The following LRP1B variants were observed in gnomAD, a reference collection of about 807,000 sequenced individuals.
The protein encoded by LRP1B is low-density lipoprotein receptor-related protein 1B.
A neutral mutation model predicts 556.6 loss-of-function variants in LRP1B; 217 were observed. That is an observed-to-expected ratio of 0.39 (90% CI 0.35 to 0.44). LRP1B has a LOEUF of 0.44. Among genes scored for constraint, LRP1B ranks in the 20% least tolerant of loss-of-function variants. The pLI, the probability that LRP1B is intolerant of heterozygous loss-of-function variation, is 1.00. For synonymous variants in LRP1B, 2,047 were observed against 1,865.8 expected (o/e 1.10, Z -2.50); for missense variants, 5,053 against 5,620.8 (o/e 0.90, Z 3.23).
rs80318645 is a variant in LRP1B at position 140,926,546 on chromosome 2, T to A, written c.3137-3399A>T. On this transcript the variant is annotated intron_variant, in intron 20 of 90. Coordinates refer to ENST00000389484, the MANE Select transcript of LRP1B (RefSeq NM_018557.3). ...TCTGTACATACAGGGTCTTACTTTG[T>A]TGCCTAGACTGGTCTTGAACTCCTG... Among the ~76,000 whole-genome samples, 245 of 152,216 alleles carry A rather than the reference T, an allele frequency of 1.6e-3. 2 individuals are homozygous for A. In the East Asian group the frequency reaches 0.021, roughly 13 times the overall value.
chr2:140,974,549 A>G (rs66528813), intron 18 of LRP1B, among the ~76,000 whole-genome samples: 22,316 of 152,246 alleles, frequency 0.15, 1,694 homozygotes, highest in East Asian at 0.27. Flanking sequence ...ATAAACATGT[A>G]TATGTTTGTA....
intron 7 of LRP1B, among the ~76,000 whole-genome samples, chr2:141,132,484 C>A (rs976954911): frequency 6.6e-6 from 1 of 151,940 alleles, no homozygotes; most frequent in East Asian, 1.9e-4. Flanking sequence ...AACTTCTCAG[C>A]CTACAAAACT....
At chr2:140,792,148 C>T (rs570210019) in intron 32 of LRP1B, among the ~76,000 whole-genome samples, 60 of 152,304 alleles carry the variant, frequency 3.9e-4, no homozygotes, top group African/African-American at 1.3e-3. Flanking sequence ...CAAGCCCAAA[C>T]CCCCTTCCCT....
chr2:140,851,034 T>G (rs1384460327), intron 28 of LRP1B, among the ~76,000 whole-genome samples: 2 of 152,246 alleles, frequency 1.3e-5, no homozygotes, highest in East Asian at 1.9e-4. Flanking sequence ...ACTTTTAAAT[T>G]TTGGTGAGTA....
intron 1 of LRP1B, among the ~76,000 whole-genome samples, chr2:141,883,871 G>T (rs1699030609): frequency 6.6e-6 from 1 of 152,094 alleles, no homozygotes; most frequent in Non-Finnish European, 1.5e-5. Context: ...CAAAATACCA[G>T]CACCCATGAA....
At chr2:141,945,697 A>C (rs1700933609) in intron 1 of LRP1B, among the ~76,000 whole-genome samples, 1 of 151,980 alleles carries the variant, frequency 6.6e-6, no homozygotes, top group Middle Eastern at 3.2e-3. Context: ...TCTTAAATGC[A>C]ATTATTAGAT....
chr2:141,060,096 A>G (rs540322027), intron 8 of LRP1B, among the ~76,000 whole-genome samples: 2 of 151,962 alleles, frequency 1.3e-5, no homozygotes, highest in East Asian at 3.9e-4. Flanking sequence ...AAAATTTTCT[A>G]TTTTAACCAG....
At chr2:140,532,546 G>A (rs6751143) in intron 47 of LRP1B, among the ~76,000 whole-genome samples, 75,242 of 151,608 alleles carry the variant, frequency 0.5, 19,031 homozygotes, top group East Asian at 0.61. Context: ...ACAGGCGAGT[G>A]CAACCACGCC....
At chr2:140,965,196 A>C (rs1308545086) in intron 18 of LRP1B, among the ~76,000 whole-genome samples, 2 of 152,178 alleles carry the variant, frequency 1.3e-5, no homozygotes, top group African/African-American at 4.8e-5. Flanking sequence ...AAAAAGGTAC[A>C]TCGAATTCTA....
At chr2:141,612,474 G>T (rs887346991) in intron 2 of LRP1B, among the ~76,000 whole-genome samples, 4 of 152,158 alleles carry the variant, frequency 2.6e-5, no homozygotes, top group African/African-American at 9.7e-5. Context: ...CAAGCTGAAG[G>T]CAGAGAGCTG....
intron 62 of LRP1B, among the ~76,000 whole-genome samples, chr2:140,454,698 G>A (rs938362537): frequency 2.6e-5 from 4 of 152,098 alleles, no homozygotes; most frequent in African/African-American, 9.7e-5. Flanking sequence ...TTCAGGGTGA[G>A]TTAGGTTTTC....
At chr2:141,979,521 A>G (rs1174863282) in intron 1 of LRP1B, among the ~76,000 whole-genome samples, 1 of 151,888 alleles carries the variant, frequency 6.6e-6, no homozygotes, top group African/African-American at 2.4e-5. Flanking sequence ...CTTATTTTAT[A>G]TTTTTTCAGG....
At chr2:141,311,639 G>C (rs548877216) in intron 3 of LRP1B, among the ~76,000 whole-genome samples, 287 of 152,218 alleles carry the variant, frequency 1.9e-3, no homozygotes, top group Middle Eastern at 0.014. Context: ...GGGACTGTTG[G>C]CTTTGTAAGA....
intron 3 of LRP1B, among the ~76,000 whole-genome samples, chr2:141,429,286 A>G (rs1196765900): frequency 1.3e-5 from 2 of 152,142 alleles, no homozygotes; most frequent in East Asian, 3.9e-4. Context: ...AGAGACATTT[A>G]CCCTTTTTAA....
At chr2:141,234,268 C>CT (rs1290884454) in intron 5 of LRP1B, among the ~76,000 whole-genome samples, 1 of 151,768 alleles carries the variant, frequency 6.6e-6, no homozygotes, top group Non-Finnish European at 1.5e-5. Flanking sequence ...AATGAGAAGA[C>CT]TAAGAACTTC....
chr2:141,907,930 A>G (rs1699803256), intron 1 of LRP1B, among the ~76,000 whole-genome samples: 3 of 151,804 alleles, frequency 2.0e-5, no homozygotes, highest in Non-Finnish European at 1.5e-5. Flanking sequence ...AAAACTCACT[A>G]CTTCTCTGAC....
At chr2:140,796,805 A>G (rs1415353862) in intron 32 of LRP1B, among the ~76,000 whole-genome samples, 1 of 152,146 alleles carries the variant, frequency 6.6e-6, no homozygotes, top group East Asian at 1.9e-4. Flanking sequence ...TGTATATATC[A>G]AATTACAGAT....
At chr2:141,979,976 CACA>C (rs1701998434) in intron 1 of LRP1B, among the ~76,000 whole-genome samples, 1 of 152,064 alleles carries the variant, frequency 6.6e-6, no homozygotes, top group Non-Finnish European at 1.5e-5. Flanking sequence ...ATATGTTTTT[CACA>C]ACAAGAATGA....
At chr2:140,570,601 GAACT>G (rs1289302707) in intron 43 of LRP1B, among the ~76,000 whole-genome samples, 1 of 151,622 alleles carries the variant, frequency 6.6e-6, no homozygotes, top group Non-Finnish European at 1.5e-5. Flanking sequence ...AACATTTGAA[GAACT>G]AATATAATTT....
Sources: allele counts gnomAD v4.1 joint callset (sites outside exome capture counted in the v4.1 genomes callset), GRCh38; gene constraint gnomAD v4.1.1; transcripts MANE v1.5; gene names NCBI Gene and HGNC (gene_info 2026-07-23, HGNC 2026-07-21).